The following NCOR1 variants were observed in gnomAD, a reference collection of about 807,000 sequenced individuals.
NCOR1 encodes the protein protein phosphatase 1, regulatory subunit 109.
NCOR1 carries 63 observed loss-of-function variants against 288.1 expected under a neutral mutation model. The observed-to-expected ratio is 0.22, with a 90% CI of 0.18 to 0.27. The LOEUF is 0.27. Ranked by LOEUF, NCOR1 falls within the 10% of genes least tolerant of loss-of-function variation. The pLI is 1.00. For synonymous variants in NCOR1, 1,007 were observed against 1,065.9 expected, an observed-to-expected ratio of 0.94 and a Z score of 1.08; for missense variants, 2,397 against 3,019.2, an observed-to-expected ratio of 0.79 and a Z score of 4.83.
chr17:16,172,040 T>C (rs2083229254), intron 3 of NCOR1, 45 bp from the exon 4 acceptor site: 1 of 1,429,506 alleles, frequency 7.0e-7, no homozygotes, highest in Non-Finnish European at 9.5e-7. Context: ...TTGTAAGTGA[T>C]GTACAACTCC....
rs2063247534 is a variant in NCOR1 at position 16,080,603 on chromosome 17, T to C, written c.3298+4A>G. The C allele has an allele frequency of 1.2e-6, 2 of 1,614,154 alleles. No homozygotes were observed. Among genetic ancestry groups the C allele is most frequent in the Non-Finnish European group, 1.7e-6 (2 of 1,180,004 alleles). ...ATGCATTATGACTGTATTAACTCAC[T>C]GACCTGATTTGGCAGATTCCTGTTG... On this transcript the variant is annotated splice_donor_region_variant and intron_variant, in intron 24 of 45. Coordinates refer to ENST00000268712, the MANE Select transcript of NCOR1 (RefSeq NM_006311.4).
rs561070519 is a variant in NCOR1, at chr17:16,124,222, TATAAC to T, written c.1634+1855_1634+1859del. Among the ~76,000 whole-genome samples the T allele has an allele frequency of 4.6e-3, 705 of 152,266 alleles. 3 individuals are homozygous for T. Among genetic ancestry groups the T allele is most frequent in the Middle Eastern group, 6.8e-3 (2 of 294 alleles). On this transcript the variant is annotated intron_variant, in intron 15 of 45. Transcript: ENST00000268712. Reference sequence around the variant, plus strand: ...TAAACAGTTCCACAAGGACTATAGATATAACATAATAAATATTAAAAAGGAACAAA... The same window carrying T: ...TAAACAGTTCCACAAGGACTATAGATATAATAAATATTAAAAAGGAACAAA...
intron 14 of NCOR1, among the ~76,000 whole-genome samples, chr17:16,128,387 C>CA (rs1043245828): frequency 6.6e-6 from 1 of 152,140 alleles, no homozygotes; most frequent in Non-Finnish European, 1.5e-5. Flanking sequence ...CACCACAGAC[C>CA]ACACCTGCTT....
At chr17:16,044,771 C>T in intron 42 of NCOR1, 2 of 944,752 alleles carry the variant, frequency 2.1e-6, no homozygotes, top group Non-Finnish European at 3.4e-6. Context: ...TGCAATGGCC[C>T]TGGCCAATGT....
At chr17:16,152,616 G>A (rs995315733) in intron 7 of NCOR1, among the ~76,000 whole-genome samples, 1 of 152,118 alleles carries the variant, frequency 6.6e-6, no homozygotes, top group Non-Finnish European at 1.5e-5. Flanking sequence ...ACAAACATAC[G>A]TGTGCATGTG....
intron 2 of NCOR1, among the ~76,000 whole-genome samples, chr17:16,187,315 T>C (rs1165465462): frequency 6.6e-6 from 1 of 151,446 alleles, no homozygotes; most frequent in Non-Finnish European, 1.5e-5. Flanking sequence ...CCTAGGTATA[T>C]ACCCCAAAGA....
chr17:16,039,837 C>A (rs2057219968), intron 43 of NCOR1, 183 bp from the exon 44 acceptor site: 2 of 569,534 alleles, frequency 3.5e-6, no homozygotes, highest in Non-Finnish European at 6.2e-6. Flanking sequence ...CGCACCCAGG[C>A]TGGAGTGCAG....
At chr17:16,061,113 T>C (rs145602002) in intron 37 of NCOR1, among the ~76,000 whole-genome samples, 3 of 152,322 alleles carry the variant, frequency 2.0e-5, no homozygotes, top group East Asian at 1.9e-4. Flanking sequence ...CCTGGCGATA[T>C]ATCCATTACC....
chr17:16,071,136 G>A (rs1474322730), intron 30 of NCOR1, among the ~76,000 whole-genome samples: 1 of 151,882 alleles, frequency 6.6e-6, no homozygotes, highest in African/African-American at 2.4e-5. Context: ...AAAAATTCTG[G>A]GTGTGGAGGT....
At chr17:16,102,740 C>T (rs2067868664) in intron 19 of NCOR1, among the ~76,000 whole-genome samples, 1 of 152,028 alleles carries the variant, frequency 6.6e-6, no homozygotes, top group Non-Finnish European at 1.5e-5. Context: ...ATTATAGGTG[C>T]CTGGCACCAT....
intron 18 of NCOR1, among the ~76,000 whole-genome samples, chr17:16,110,631 C>T (rs561790928): frequency 6.6e-6 from 1 of 152,154 alleles, no homozygotes; most frequent in African/African-American, 2.4e-5. Context: ...TGTCTTGTGC[C>T]CCTTACAGAG....
At chr17:16,159,634 T>G (rs2080420789) in intron 5 of NCOR1, among the ~76,000 whole-genome samples, 1 of 152,142 alleles carries the variant, frequency 6.6e-6, no homozygotes, top group Non-Finnish European at 1.5e-5. Context: ...TAACTCAGCA[T>G]GGCACCATGC....
At chr17:16,082,240 A>C (rs1317781693) in intron 23 of NCOR1, among the ~76,000 whole-genome samples, 1 of 152,222 alleles carries the variant, frequency 6.6e-6, no homozygotes, top group Non-Finnish European at 1.5e-5. Flanking sequence ...GAGTTGCTAC[A>C]TTATACAAAA....
chr17:16,176,141 C>A (rs1438809336), intron 3 of NCOR1, among the ~76,000 whole-genome samples: 1 of 152,082 alleles, frequency 6.6e-6, no homozygotes, highest in Non-Finnish European at 1.5e-5. Flanking sequence ...ATCACTTGAA[C>A]CCAGGAAGCG....
At chr17:16,213,489 C>CAAAAAAAAAAAAAAA (rs537795184) in intron 1 of NCOR1, among the ~76,000 whole-genome samples, 12 of 78,136 alleles carry the variant, frequency 1.5e-4, no homozygotes, top group African/African-American at 3.3e-4. Flanking sequence ...AAGACTGTCT[C>CAAAAAAAAAAAAAAA]AAAAAAAAAA....
intron 1 of NCOR1, among the ~76,000 whole-genome samples, chr17:16,197,919 A>G (rs2090134413): frequency 6.6e-6 from 1 of 152,132 alleles, no homozygotes; most frequent in South Asian, 2.1e-4. Flanking sequence ...CTACCCAGTT[A>G]CACTCCCAGA....
chr17:16,194,904 CATA>C (rs888578555), intron 1 of NCOR1, among the ~76,000 whole-genome samples: 2 of 152,110 alleles, frequency 1.3e-5, no homozygotes, highest in Non-Finnish European at 2.9e-5. Flanking sequence ...AGATCTGGCA[CATA>C]ATAACTGCTC....
chr17:16,149,587 C>A (rs9904755), intron 8 of NCOR1, 70 bp from the exon 9 acceptor site: 2 of 632,508 alleles, frequency 3.2e-6, no homozygotes, highest in South Asian at 2.5e-5. Flanking sequence ...CACTTTTTTT[C>A]CAGAGACACT....
chr17:16,151,743 T>C, intron 8 of NCOR1: 1 of 1,070,368 alleles, frequency 9.3e-7, no homozygotes. Flanking sequence ...ATTTATTTCA[T>C]TTTTTGGCCT....
Sources: allele counts gnomAD v4.1 joint callset (sites outside exome capture counted in the v4.1 genomes callset), GRCh38; gene constraint gnomAD v4.1.1; transcripts MANE v1.5; gene names NCBI Gene and HGNC (gene_info 2026-07-23, HGNC 2026-07-21).